The following OSBPL6 variants were observed in gnomAD, a reference collection of about 807,000 sequenced individuals.
OSBPL6 encodes the protein oxysterol-binding protein-related protein 6.
In OSBPL6, 49 loss-of-function variants were observed where a neutral mutation model predicts 125.8. The observed-to-expected ratio is 0.39, with a 90% CI of 0.31 to 0.49. The LOEUF is 0.49. Ranked by LOEUF, OSBPL6 falls within the 20% of genes least tolerant of loss-of-function variation. The pLI, the probability that OSBPL6 is intolerant of heterozygous loss-of-function variation, is 0.88. For synonymous variants in OSBPL6, 394 were observed against 391.8 expected (o/e 1.01, Z -0.07); for missense variants, 986 against 1,135.4 (o/e 0.87, Z 1.89).
chr2:178,212,160 C>G lies in OSBPL6; in HGVS notation c.-351+17486C>G, dbSNP rs1462910405. Among the ~76,000 whole-genome samples the G allele has an allele frequency of 2.0e-5, 3 of 152,166 alleles. No individual in the cohort carries two copies. The East Asian group carries it at 5.8e-4, about 29-fold the overall frequency. On this transcript the variant is annotated intron_variant, in intron 1 of 24. Transcript: ENST00000190611. ...TAACAAGGCCGCCTTACAAATTGCC[C>G]TCTGAAGCTCAGCACACTGTAGAGG...
intron 1 of OSBPL6, among the ~76,000 whole-genome samples, chr2:178,254,513 A>T (rs1020361271): frequency 3.3e-5 from 5 of 152,342 alleles, no homozygotes; most frequent in African/African-American, 1.2e-4. Flanking sequence ...TGAATGTCAG[A>T]AAAGGAATTA....
intron 2 of OSBPL6, among the ~76,000 whole-genome samples, chr2:178,290,010 G>A (rs1400273929): frequency 6.6e-6 from 1 of 152,120 alleles, no homozygotes; most frequent in African/African-American, 2.4e-5. Context: ...CCGTGTTTCG[G>A]GGAAGAACAT....
intron 23 of OSBPL6, among the ~76,000 whole-genome samples, chr2:178,393,472 TTC>T (rs147837436): frequency 0.022 from 3,382 of 152,340 alleles, 82 homozygotes; most frequent in East Asian, 0.13. Context: ...AAGATCAATT[TTC>T]TGTTTCCCAT....
At position 178,339,707 on chromosome 2, in the gene OSBPL6, G is replaced by A. The variant is rs149166496; in HGVS notation, c.930G>A (p.Arg310=). 1.2e-6 allele frequency: 2 copies of A among 1,603,890 alleles called. No individual in the cohort carries two copies. The highest frequency in any genetic ancestry group is 2.7e-5 in the African/African-American group (2 of 74,354). Residue 310 remains arginine (R), a synonymous_variant, in exon 11 of 25, where the codon CGG becomes CGA. Coordinates refer to ENST00000190611, the MANE Select transcript of OSBPL6 (RefSeq NM_032523.4). ...NCVDISKKDK[R]VTRRWRTKSV... ...TAGATATTTCAAAGAAAGACAAGCG[G>A]GTCACAAGACGATGGAGAACAAAAA...
chr2:178,321,655 T>C (rs146010455), intron 3 of OSBPL6, among the ~76,000 whole-genome samples: 164 of 152,350 alleles, frequency 1.1e-3, no homozygotes, highest in African/African-American at 3.7e-3. Flanking sequence ...TGGAATAGCT[T>C]ATTTTTTGAA....
At chr2:178,392,046 A>T (rs1425091720) in intron 22 of OSBPL6, among the ~76,000 whole-genome samples, 1 of 152,232 alleles carries the variant, frequency 6.6e-6, no homozygotes, top group African/African-American at 2.4e-5. Flanking sequence ...CTTTTCTAAA[A>T]GGAAGCAAAC....
At chr2:178,303,337 AG>A (rs1368798625) in intron 2 of OSBPL6, among the ~76,000 whole-genome samples, 2 of 152,266 alleles carry the variant, frequency 1.3e-5, no homozygotes, top group African/African-American at 4.8e-5. Flanking sequence ...CTGGATTACA[AG>A]TTCTATTCAC....
intron 3 of OSBPL6, among the ~76,000 whole-genome samples, chr2:178,318,732 G>T (rs1056095114): frequency 2.2e-4 from 33 of 152,172 alleles, no homozygotes; most frequent in Non-Finnish European, 3.8e-4. Context: ...GCTGACCATG[G>T]TTACTGGGTT....
chr2:178,257,683 T>C (rs1273161484), intron 1 of OSBPL6, among the ~76,000 whole-genome samples: 1 of 152,228 alleles, frequency 6.6e-6, no homozygotes, highest in Admixed American at 6.5e-5. Context: ...TCATTATCTC[T>C]AGTTTGTAGA....
At chr2:178,287,509 G>T (rs1185715866) in intron 2 of OSBPL6, among the ~76,000 whole-genome samples, 2 of 152,182 alleles carry the variant, frequency 1.3e-5, no homozygotes, top group South Asian at 4.1e-4. Context: ...TCGTGCATGA[G>T]TCCCTTTGAG....
intron 1 of OSBPL6, among the ~76,000 whole-genome samples, chr2:178,213,202 G>A (rs1418105079): frequency 6.6e-6 from 1 of 151,902 alleles, no homozygotes; most frequent in African/African-American, 2.4e-5. Flanking sequence ...TTTATCCTCA[G>A]TCTTCTCACT....
chr2:178,320,440 T>G lies in OSBPL6; in HGVS notation c.103-3737T>G, dbSNP rs373790672. The G allele has an allele frequency of 1.3e-4, 203 of 1,584,984 alleles. No individual in the cohort carries two copies. In the African/African-American group the frequency reaches 2.5e-3, roughly 19 times the overall value. ...ACCTTCTCTGTGTGTTCTAAGTTCC[T>G]TAAAAAACTGACCTGGAAATTAACT... On this transcript the variant is annotated intron_variant, in intron 3 of 24. Transcript: ENST00000190611.
rs186040143 is a variant in OSBPL6 at position 178,360,637 on chromosome 2, G to C, written c.1154-1045G>C. On this transcript the variant is annotated intron_variant, in intron 12 of 24. Coordinates refer to ENST00000190611, the MANE Select transcript of OSBPL6 (RefSeq NM_032523.4). ...ACAGACACACAAATTCTCTATGCTA[G>C]GCAAAGAAACAAAAGAACTTTTCTA... is the stretch of plus-strand genomic sequence containing the variant. Among the ~76,000 whole-genome samples the C allele has an allele frequency of 8.6e-4, 131 of 152,134 alleles. 1 individual carries two copies. Among genetic ancestry groups the C allele is most frequent in the Middle Eastern group, 6.8e-3 (2 of 294 alleles).
intron 15 of OSBPL6, among the ~76,000 whole-genome samples, chr2:178,374,353 TAATA>T (rs1363028298): frequency 2.0e-5 from 3 of 152,186 alleles, no homozygotes; most frequent in African/African-American, 7.2e-5. Flanking sequence ...GGAGACTAGC[TAATA>T]AATATAGAAA....
chr2:178,260,786 T>C (rs2092032224), intron 1 of OSBPL6, among the ~76,000 whole-genome samples: 1 of 152,204 alleles, frequency 6.6e-6, no homozygotes, highest in African/African-American at 2.4e-5. Flanking sequence ...AAAATCCTAG[T>C]TCTCAATGAA....
rs1169385179 is a variant in OSBPL6, at chr2:178,402,372, C to G, written c.*6813C>G. The G allele has an allele frequency of 6.6e-6, 1 of 152,240 alleles. No homozygotes were observed. Among genetic ancestry groups the G allele is most frequent in the Non-Finnish European group, 1.5e-5 (1 of 68,078 alleles). 9.4% of individuals were successfully genotyped at this position (152,240 alleles called of 1,614,324 possible). On this transcript the variant is annotated 3_prime_UTR_variant, in exon 25 of 25. Coordinates refer to ENST00000190611, the MANE Select transcript of OSBPL6 (RefSeq NM_032523.4). ...AAGCCAAGAATCAGTACCCCCACCT[C>G]ACCTTCCATTCTCTCTTAGGCTTTG...
At chr2:178,352,714 TG>T (rs1434541264) in intron 12 of OSBPL6, among the ~76,000 whole-genome samples, 2 of 152,212 alleles carry the variant, frequency 1.3e-5, no homozygotes, top group African/African-American at 4.8e-5. Flanking sequence ...CGTCCCTGTC[TG>T]ATAGCTCTGA....
At chr2:178,380,708 A>G (rs1338830355) in intron 15 of OSBPL6, among the ~76,000 whole-genome samples, 1 of 152,200 alleles carries the variant, frequency 6.6e-6, no homozygotes, top group Non-Finnish European at 1.5e-5. Flanking sequence ...TTATGAAAAT[A>G]TATTTACAAG....
intron 13 of OSBPL6, among the ~76,000 whole-genome samples, chr2:178,369,170 G>A (rs1693142799): frequency 6.6e-6 from 1 of 152,114 alleles, no homozygotes; most frequent in African/African-American, 2.4e-5. Context: ...GCCATCAATG[G>A]AAGAGAGAAC....
Sources: allele counts gnomAD v4.1 joint callset (sites outside exome capture counted in the v4.1 genomes callset), GRCh38; gene constraint gnomAD v4.1.1; transcripts MANE v1.5; gene names NCBI Gene and HGNC (gene_info 2026-07-23, HGNC 2026-07-21).